The following ADGRB3 variants were observed in gnomAD, a reference collection of about 807,000 sequenced individuals.
ADGRB3 encodes brain-specific angiogenesis inhibitor 3.
A neutral mutation model predicts 193.4 loss-of-function variants in ADGRB3; 37 were observed. That is an observed-to-expected ratio of 0.19 (90% CI 0.15 to 0.25). The LOEUF (loss-of-function observed/expected upper bound fraction) is 0.25. Ranked by LOEUF, ADGRB3 falls within the 10% of genes least tolerant of loss-of-function variation. ADGRB3 has a pLI of 1.00. For missense variants in ADGRB3, 1,637 were observed against 1,852.9 expected, an observed-to-expected ratio of 0.88 and a Z score of 2.14; for synonymous variants, 690 against 644.2, an observed-to-expected ratio of 1.07 and a Z score of -1.08.
intron 26 of ADGRB3, among the ~76,000 whole-genome samples, chr6:69,350,699 A>G (rs1033983742): frequency 6.6e-6 from 1 of 152,176 alleles, no homozygotes; most frequent in Non-Finnish European, 1.5e-5. Flanking sequence ...GGCATTAGAA[A>G]TATGACTGTT....
chr6:69,192,365 T>A (rs1765208651), intron 17 of ADGRB3, among the ~76,000 whole-genome samples: 1 of 152,158 alleles, frequency 6.6e-6, no homozygotes, highest in Non-Finnish European at 1.5e-5. Flanking sequence ...TCCCCATTCT[T>A]CTGCCTGCTT....
chr6:68,742,539 T>C (rs1237712340), intron 3 of ADGRB3, among the ~76,000 whole-genome samples: 2 of 152,100 alleles, frequency 1.3e-5, no homozygotes, highest in Admixed American at 6.6e-5. Flanking sequence ...GAAACCTGAC[T>C]CCTCTGCTTC....
At chr6:69,217,460 C>T (rs1765792279) in intron 17 of ADGRB3, among the ~76,000 whole-genome samples, 1 of 152,198 alleles carries the variant, frequency 6.6e-6, no homozygotes, top group Non-Finnish European at 1.5e-5. Flanking sequence ...TGAGCATCTG[C>T]TTTTCTGCCC....
intron 17 of ADGRB3, among the ~76,000 whole-genome samples, chr6:69,107,047 C>G (rs544988881): frequency 7.2e-5 from 11 of 152,210 alleles, no homozygotes; most frequent in African/African-American, 2.6e-4. Context: ...CTTCATGCCA[C>G]TATTTTATGT....
intron 17 of ADGRB3, among the ~76,000 whole-genome samples, chr6:69,091,981 A>T (rs1448927589): frequency 6.6e-6 from 1 of 152,150 alleles, no homozygotes; most frequent in Non-Finnish European, 1.5e-5. Context: ...CTGTTTCTCT[A>T]TAAGCAGTCT....
intron 8 of ADGRB3, among the ~76,000 whole-genome samples, chr6:68,974,515 C>G (rs1202224518): frequency 6.6e-6 from 1 of 152,040 alleles, no homozygotes; most frequent in African/African-American, 2.4e-5. Flanking sequence ...CGTCTGTAGT[C>G]CTAGTTACTC....
intron 20 of ADGRB3, among the ~76,000 whole-genome samples, chr6:69,297,888 GA>G (rs1259976505): frequency 6.6e-6 from 1 of 152,000 alleles, no homozygotes; most frequent in Admixed American, 6.6e-5. Context: ...CATAGAGAGA[GA>G]AAAAACTTGG....
chr6:68,772,665 G>C (rs974495721), intron 3 of ADGRB3, among the ~76,000 whole-genome samples: 2 of 151,412 alleles, frequency 1.3e-5, no homozygotes, highest in East Asian at 3.9e-4. Context: ...TAAACATCTC[G>C]ACACAAATTA....
At chr6:68,776,344 T>C (rs961534393) in intron 3 of ADGRB3, among the ~76,000 whole-genome samples, 5 of 152,172 alleles carry the variant, frequency 3.3e-5, no homozygotes, top group Non-Finnish European at 7.4e-5. Context: ...TGGGGTTACA[T>C]ATGATGATTC....
chr6:68,789,523 A>T (rs9354800), intron 3 of ADGRB3, among the ~76,000 whole-genome samples: 17 of 152,058 alleles, frequency 1.1e-4, no homozygotes, highest in East Asian at 1.9e-4. Flanking sequence ...CGGAGAGATC[A>T]GCTGTTAGTC....
chr6:68,714,073 A>G (rs953592620), intron 3 of ADGRB3, among the ~76,000 whole-genome samples: 1 of 151,824 alleles, frequency 6.6e-6, no homozygotes, highest in African/African-American at 2.4e-5. Context: ...TTTTGGCAAC[A>G]TACAATCCAA....
chr6:69,094,698 T>C (rs1772819796), intron 17 of ADGRB3, among the ~76,000 whole-genome samples: 1 of 152,148 alleles, frequency 6.6e-6, no homozygotes, highest in South Asian at 2.1e-4. Flanking sequence ...TAGAAGATAA[T>C]ATTAAAGGTT....
intron 13 of ADGRB3, among the ~76,000 whole-genome samples, chr6:69,030,209 T>C (rs543362731): frequency 1.3e-5 from 2 of 152,272 alleles, no homozygotes; most frequent in African/African-American, 4.8e-5. Context: ...AGTGTGGTGA[T>C]TCCTCAAGGA....
At chr6:69,170,336 A>T (rs1739982231) in intron 17 of ADGRB3, among the ~76,000 whole-genome samples, 2 of 152,174 alleles carry the variant, frequency 1.3e-5, no homozygotes, top group Admixed American at 6.5e-5. Context: ...CTTTGCTTTT[A>T]TAGGAAGTAT....
intron 3 of ADGRB3, among the ~76,000 whole-genome samples, chr6:68,916,313 G>C (rs1766878588): frequency 1.3e-5 from 2 of 152,160 alleles, no homozygotes; most frequent in South Asian, 2.1e-4. Flanking sequence ...AGATATATCT[G>C]AGGAAATCAC....
chr6:68,865,211 C>G (rs186120190), intron 3 of ADGRB3, among the ~76,000 whole-genome samples: 156 of 151,240 alleles, frequency 1.0e-3, no homozygotes, highest in Middle Eastern at 3.4e-3. Flanking sequence ...AGACCCTCTC[C>G]TATCCCCCAT....
chr6:68,872,988 T>C (rs1765502611), intron 3 of ADGRB3, among the ~76,000 whole-genome samples: 1 of 152,088 alleles, frequency 6.6e-6, no homozygotes, highest in Non-Finnish European at 1.5e-5. Context: ...AGAAATGTAT[T>C]GAATATTTGG....
In ADGRB3 at chr6:68,738,268, G is replaced by A. The variant is rs533585853; in HGVS notation, c.757+98836G>A. Among the ~76,000 whole-genome samples, 14 of 152,308 alleles carry A rather than the reference G, an allele frequency of 9.2e-5. No individual in the cohort carries two copies. In the South Asian group the frequency reaches 2.9e-3, roughly 32 times the overall value. On this transcript the variant is annotated intron_variant, in intron 3 of 31. Transcript: ENST00000370598. ...TGATAGCAGATGAGATCTCAGTGGT[G>A]AGGAGAGAGAGAGCACTTGTATTAC...
At chr6:69,065,291 G>A (rs568503075) in intron 16 of ADGRB3, among the ~76,000 whole-genome samples, 33 of 152,188 alleles carry the variant, frequency 2.2e-4, no homozygotes, top group African/African-American at 6.3e-4. Context: ...GTCTCTAGGC[G>A]CTCTTGTTTG....
Sources: allele counts gnomAD v4.1 joint callset (sites outside exome capture counted in the v4.1 genomes callset), GRCh38; gene constraint gnomAD v4.1.1; transcripts MANE v1.5; gene names NCBI Gene and HGNC (gene_info 2026-07-23, HGNC 2026-07-21).